The following ADARB2 variants were observed in gnomAD, a reference collection of about 807,000 sequenced individuals.
ADARB2 encodes the protein adenosine deaminase RNA specific B2 (inactive).
Under a neutral mutation model 62.2 loss-of-function variants are expected in ADARB2, and 25 were observed. That is an observed-to-expected ratio of 0.40 (90% confidence interval 0.29 to 0.56). The LOEUF is 0.56. Among genes scored for constraint, ADARB2 ranks in the 20% least tolerant of loss-of-function variants. ADARB2 has a pLI of 0.43. For missense variants in ADARB2, 1,071 were observed against 1,077.4 expected (o/e 0.99, Z 0.08); for synonymous variants, 572 against 500.8 (o/e 1.14, Z -1.90).
chr10:1,216,965 C>G lies in ADARB2; in HGVS notation c.1668G>C (p.Thr556=), dbSNP rs368268294. ...GTGGGCCTCACCTGGCGATCTTGTC[C>G]GTGCAGGACATGGTGATCAGCTGCT... is the stretch of plus-strand genomic sequence containing the variant. ...LGEQLITMSC[T]DKIARWNVLG... Residue 556 remains threonine (T), a synonymous_variant, in exon 7 of 10, where the codon ACG becomes ACC. Coordinates refer to ENST00000381312, the MANE Select transcript of ADARB2 (RefSeq NM_018702.4). 2 of 1,607,408 alleles carry G rather than the reference C, an allele frequency of 1.2e-6. No homozygotes were observed. Among genetic ancestry groups the G allele is most frequent in the Non-Finnish European group, 1.7e-6 (2 of 1,179,572 alleles).
chr10:1,298,720 ATTTTTTTTTTTTTTTTTTTTTTTT>A (rs75978268), intron 3 of ADARB2, among the ~76,000 whole-genome samples: 31 of 110,778 alleles, frequency 2.8e-4, no homozygotes, highest in Non-Finnish European at 3.9e-4. Flanking sequence ...TGCGACGGGA[ATTTTTTTTTTTTTTTTTTTTTTTT>A]TTTTTTTTTT....
At chr10:1,285,966 CAGAA>C (rs1345558043) in intron 3 of ADARB2, among the ~76,000 whole-genome samples, 1 of 151,792 alleles carries the variant, frequency 6.6e-6, no homozygotes, top group East Asian at 1.9e-4. Context: ...GCTGAAAAAT[CAGAA>C]AGGTTAGATT....
At chr10:1,318,202 C>G (rs1023471033) in intron 3 of ADARB2, among the ~76,000 whole-genome samples, 1 of 152,178 alleles carries the variant, frequency 6.6e-6, no homozygotes, top group Non-Finnish European at 1.5e-5. Context: ...AATAAAACAG[C>G]AAAAAATCCA....
intron 1 of ADARB2, among the ~76,000 whole-genome samples, chr10:1,611,099 A>G (rs1833564799): frequency 2.0e-5 from 3 of 152,090 alleles, no homozygotes; most frequent in Admixed American, 2.0e-4. Flanking sequence ...AACCTCCCCA[A>G]ACATACAAAG....
intron 1 of ADARB2, among the ~76,000 whole-genome samples, chr10:1,644,543 G>A (rs1834015152): frequency 6.6e-6 from 1 of 152,254 alleles, no homozygotes; most frequent in Admixed American, 6.5e-5. Context: ...GGTGACACAG[G>A]TTATCATCGG....
chr10:1,709,929 T>G (rs1019169387), intron 1 of ADARB2, among the ~76,000 whole-genome samples: 8 of 152,250 alleles, frequency 5.3e-5, no homozygotes, highest in Admixed American at 5.2e-4. Context: ...TATTAAGAGA[T>G]AATTACTAAT....
At chr10:1,299,798 C>T (rs113872097) in intron 3 of ADARB2, among the ~76,000 whole-genome samples, 3 of 152,326 alleles carry the variant, frequency 2.0e-5, no homozygotes, top group African/African-American at 7.2e-5. Flanking sequence ...GGCTCCTGGG[C>T]AAAGAGAGGG....
At chr10:1,276,028 G>A (rs1831313127) in intron 3 of ADARB2, among the ~76,000 whole-genome samples, 2 of 152,206 alleles carry the variant, frequency 1.3e-5, no homozygotes, top group East Asian at 3.9e-4. Flanking sequence ...ACCTGGTAAT[G>A]GGATGGCTAG....
rs962137502 is a variant in ADARB2, at chr10:1,646,149, C to T, written c.100+90902G>A. Among the ~76,000 whole-genome samples the T allele has an allele frequency of 2.0e-5, 3 of 152,084 alleles. No homozygotes were observed. In the South Asian group the frequency reaches 6.2e-4, roughly 32 times the overall value. ...GGTGAGTTAGGGGCAGCTTAAAACC[C>T]CTGAGGGATTTCCATTAGGACACAC... is the stretch of plus-strand genomic sequence containing the variant. On this transcript the variant is annotated intron_variant, in intron 1 of 9. Coordinates refer to ENST00000381312, the MANE Select transcript of ADARB2 (RefSeq NM_018702.4).
chr10:1,575,399 C>T (rs1832996901), intron 1 of ADARB2, among the ~76,000 whole-genome samples: 1 of 152,174 alleles, frequency 6.6e-6, no homozygotes, highest in African/African-American at 2.4e-5. Flanking sequence ...CTTGTTCTGG[C>T]AACTCACAGG....
chr10:1,556,556 G>A (rs1052244590), intron 1 of ADARB2: 4 of 398,512 alleles, frequency 1.0e-5, no homozygotes, highest in South Asian at 5.8e-5. Flanking sequence ...TGGAGATTTC[G>A]ACTCCATGGT....
intron 8 of ADARB2, among the ~76,000 whole-genome samples, chr10:1,190,567 T>G (rs1409303315): frequency 6.6e-6 from 1 of 152,136 alleles, no homozygotes; most frequent in African/African-American, 2.4e-5. Flanking sequence ...AGTCTGAAGG[T>G]GTGGGCAGGG....
intron 1 of ADARB2, among the ~76,000 whole-genome samples, chr10:1,438,238 G>A (rs763034956): frequency 6.3e-4 from 96 of 151,224 alleles, no homozygotes; most frequent in Non-Finnish European, 1.3e-3. Context: ...GTGGACGGAA[G>A]CAGGTTCTTC....
intron 6 of ADARB2, among the ~76,000 whole-genome samples, chr10:1,225,783 G>A (rs1830739819): frequency 6.6e-6 from 1 of 151,796 alleles, no homozygotes; most frequent in African/African-American, 2.4e-5. Context: ...GAGATCAGCT[G>A]TTAGTCTGAT....
At chr10:1,565,585 G>A (rs1024970050) in intron 1 of ADARB2, among the ~76,000 whole-genome samples, 3 of 152,128 alleles carry the variant, frequency 2.0e-5, no homozygotes, top group Non-Finnish European at 4.4e-5. Context: ...TTTGAAAGGC[G>A]TCTGACTTCT....
intron 1 of ADARB2, among the ~76,000 whole-genome samples, chr10:1,543,563 C>G (rs867027221): frequency 6.6e-6 from 1 of 152,290 alleles, no homozygotes; most frequent in Middle Eastern, 3.4e-3. Flanking sequence ...GGGCTGGGAG[C>G]TATTGGCGTC....
At chr10:1,727,755 G>A (rs1015773303) in intron 1 of ADARB2, among the ~76,000 whole-genome samples, 4 of 152,100 alleles carry the variant, frequency 2.6e-5, no homozygotes, top group African/African-American at 7.2e-5. Context: ...TCATGTGTGT[G>A]CCTCTGTATC....
chr10:1,652,485 C>T (rs907659142), intron 1 of ADARB2, among the ~76,000 whole-genome samples: 1 of 152,192 alleles, frequency 6.6e-6, no homozygotes, highest in Non-Finnish European at 1.5e-5. Context: ...GTCCTCCTAC[C>T]ACTGACATCT....
At chr10:1,396,658 T>C in intron 1 of ADARB2, among the ~76,000 whole-genome samples, 1 of 141,454 alleles carries the variant, frequency 7.1e-6, no homozygotes, top group Admixed American at 7.0e-5. Context: ...TGTCCTCCTC[T>C]CCCCTCCCGA....
Sources: allele counts gnomAD v4.1 joint callset (sites outside exome capture counted in the v4.1 genomes callset), GRCh38; gene constraint gnomAD v4.1.1; transcripts MANE v1.5; gene names NCBI Gene and HGNC (gene_info 2026-07-23, HGNC 2026-07-21).